MTHFD1L: variants seen among roughly 807,000 people sequenced by gnomAD.
The protein encoded by MTHFD1L is monofunctional C1-tetrahydrofolate synthase, mitochondrial.
MTHFD1L carries 81 observed loss-of-function variants against 119.5 expected under a neutral mutation model. That is an observed-to-expected ratio of 0.68 (90% confidence interval 0.57 to 0.82). MTHFD1L has a LOEUF of 0.82. Among genes scored for constraint, MTHFD1L ranks in the 40% least tolerant of loss-of-function variants. The pLI, the probability that MTHFD1L is intolerant of heterozygous loss-of-function variation, is 0.00. For missense variants in MTHFD1L, 1,125 were observed against 1,253.4 expected, an observed-to-expected ratio of 0.90 and a Z score of 1.55; for synonymous variants, 430 against 475.2, an observed-to-expected ratio of 0.90 and a Z score of 1.24.
intron 11 of MTHFD1L, among the ~76,000 whole-genome samples, chr6:150,930,018 A>T (rs1459160662): frequency 6.6e-6 from 1 of 152,200 alleles, no homozygotes; most frequent in Admixed American, 6.5e-5. Flanking sequence ...AACAAATGAT[A>T]TATTTTTTAG....
At chr6:150,916,485 T>A (rs1237294949) in intron 8 of MTHFD1L, among the ~76,000 whole-genome samples, 6 of 54,262 alleles carry the variant, frequency 1.1e-4, no homozygotes, top group Admixed American at 2.2e-4. Flanking sequence ...TTTTTTTTTT[T>A]TTTTTTTTTT....
At chr6:150,939,104 A>T in intron 13 of MTHFD1L, 1 of 232,238 alleles carries the variant, frequency 4.3e-6, no homozygotes, top group Non-Finnish European at 8.7e-6. Flanking sequence ...GAATCTTGAA[A>T]CCCTGCTGGC....
chr6:150,935,543 C>T (rs1291756657), intron 11 of MTHFD1L: 82 of 1,533,450 alleles, frequency 5.3e-5, no homozygotes, highest in Non-Finnish European at 6.6e-5. Flanking sequence ...AAAAATTTTG[C>T]GGCAACAGAA....
At chr6:150,994,541 G>C (rs1378715190) in intron 20 of MTHFD1L, among the ~76,000 whole-genome samples, 1 of 152,164 alleles carries the variant, frequency 6.6e-6, no homozygotes, top group Non-Finnish European at 1.5e-5. Context: ...CATCTGTCAG[G>C]TGGTCAACCA....
chr6:151,018,353 T>G (rs1283781081), intron 24 of MTHFD1L, among the ~76,000 whole-genome samples: 2 of 152,192 alleles, frequency 1.3e-5, no homozygotes, highest in Non-Finnish European at 2.9e-5. Flanking sequence ...GGAGTCACAG[T>G]GGTGAGAGAA....
chr6:150,874,834 C>T (rs540599285), intron 1 of MTHFD1L, among the ~76,000 whole-genome samples: 4 of 151,844 alleles, frequency 2.6e-5, no homozygotes, highest in Admixed American at 2.6e-4. Context: ...ACAATCTCGG[C>T]TCACTGCAAC....
intron 26 of MTHFD1L, among the ~76,000 whole-genome samples, chr6:151,057,843 A>G (rs1415651829): frequency 1.3e-5 from 2 of 152,202 alleles, no homozygotes; most frequent in East Asian, 3.9e-4. Flanking sequence ...CAGTGGTGCC[A>G]TCTCGGCTCA....
intron 20 of MTHFD1L, among the ~76,000 whole-genome samples, chr6:150,982,227 G>GT (rs1333267489): frequency 1.3e-5 from 2 of 151,326 alleles, no homozygotes; most frequent in Non-Finnish European, 2.9e-5. Flanking sequence ...AATTTAACAT[G>GT]TAAAAAAAAA....
At chr6:151,058,496 A>G (rs561546068) in intron 26 of MTHFD1L, among the ~76,000 whole-genome samples, 6 of 152,350 alleles carry the variant, frequency 3.9e-5, no homozygotes, top group Admixed American at 6.5e-5. Flanking sequence ...AATTCCATAT[A>G]CATTTGCAGA....
At chr6:150,898,909 C>A in intron 7 of MTHFD1L, 2 of 893,690 alleles carry the variant, frequency 2.2e-6, no homozygotes, top group Non-Finnish European at 2.9e-6. Context: ...GTGATCTAGG[C>A]TCACTGCAAG....
At chr6:150,982,389 T>C (rs1311632878) in intron 20 of MTHFD1L, among the ~76,000 whole-genome samples, 1 of 152,186 alleles carries the variant, frequency 6.6e-6, no homozygotes, top group African/African-American at 2.4e-5. Context: ...TCATTTTGCC[T>C]GCAGTTTAGC....
chr6:151,012,467 A>C (rs1434537153), intron 21 of MTHFD1L, among the ~76,000 whole-genome samples: 1 of 151,926 alleles, frequency 6.6e-6, no homozygotes, highest in Non-Finnish European at 1.5e-5. Flanking sequence ...TCTTATGTTT[A>C]TTCAGCTTGT....
chr6:150,935,257 A>G (rs1791857811), intron 11 of MTHFD1L: 68 of 1,611,820 alleles, frequency 4.2e-5, no homozygotes, highest in Non-Finnish European at 5.4e-5. Context: ...ATGGCATTGT[A>G]TTTGTTGTGG....
At chr6:151,054,338 A>T (rs1305571877) in intron 26 of MTHFD1L, among the ~76,000 whole-genome samples, 3 of 152,200 alleles carry the variant, frequency 2.0e-5, no homozygotes, top group African/African-American at 4.8e-5. Context: ...TGGACAGTAA[A>T]TGGTTAATGG....
intron 25 of MTHFD1L, among the ~76,000 whole-genome samples, chr6:151,036,747 A>G (rs537157376): frequency 2.9e-4 from 44 of 152,268 alleles, no homozygotes; most frequent in Non-Finnish European, 2.5e-4. Context: ...AAAATAAACA[A>G]TAGTCACCCT....
intron 18 of MTHFD1L, among the ~76,000 whole-genome samples, chr6:150,961,089 CTTT>C (rs35978918): frequency 0.022 from 2,457 of 113,330 alleles, 15 homozygotes; most frequent in South Asian, 0.036. Flanking sequence ...TTCCTGTTAA[CTTT>C]TTTTTTTTTT....
chr6:150,875,402 G>A (rs1028731276), intron 1 of MTHFD1L, among the ~76,000 whole-genome samples: 3 of 152,106 alleles, frequency 2.0e-5, no homozygotes, highest in Non-Finnish European at 2.9e-5. Context: ...TCCCTCAGAG[G>A]TGGGAGGTGA....
rs1378010538 is a variant in MTHFD1L at position 150,929,010 on chromosome 6, C to G, written c.1256+2715C>G. Among the ~76,000 whole-genome samples, 17 of 152,258 alleles carry G rather than the reference C, an allele frequency of 1.1e-4. No homozygotes were observed. In the East Asian group the frequency reaches 3.1e-3, roughly 28 times the overall value. ...TGCAGTTAGATTCCTGAGCCCCTTTCCAACCTAGAACCCCAAACTTAATGT... is the reference window on the plus strand; with the variant it reads ...TGCAGTTAGATTCCTGAGCCCCTTTGCAACCTAGAACCCCAAACTTAATGT... On this transcript the variant is annotated intron_variant, in intron 11 of 27. Transcript: ENST00000367321.
intron 8 of MTHFD1L, among the ~76,000 whole-genome samples, chr6:150,917,619 T>C (rs1224046912): frequency 6.6e-6 from 1 of 152,252 alleles, no homozygotes; most frequent in East Asian, 1.9e-4. Flanking sequence ...TATATCCCTG[T>C]TCCTTTCTTC....
Sources: gnomAD v4.1 joint callset for allele counts (sites outside exome capture counted in the v4.1 genomes callset) on GRCh38, gnomAD v4.1.1 for gene constraint, MANE v1.5 for transcripts, NCBI Gene and HGNC (gene_info 2026-07-23, HGNC 2026-07-21) for gene names.